SLC24A2: variants seen among roughly 807,000 people sequenced by gnomAD.
SLC24A2 encodes sodium/potassium/calcium exchanger 2.
SLC24A2 carries 36 observed loss-of-function variants against 62.0 expected under a neutral mutation model. The ratio of observed to expected loss-of-function variants is 0.58; its 90% confidence interval spans 0.44 to 0.77. SLC24A2 has a LOEUF of 0.77. Among genes scored for constraint, SLC24A2 ranks in the 30% least tolerant of loss-of-function variants. SLC24A2 has a pLI of 0.00. For missense variants in SLC24A2, 846 were observed against 817.9 expected, an observed-to-expected ratio of 1.03 and a Z score of -0.42; for synonymous variants, 358 against 294.0, an observed-to-expected ratio of 1.22 and a Z score of -2.23.
At chr9:19,637,364 G>GTTCTAACTGTTGCCCGACTGTGTTTT (rs1277730443) in intron 2 of SLC24A2, among the ~76,000 whole-genome samples, 2 of 152,224 alleles carry the variant, frequency 1.3e-5, no homozygotes, top group African/African-American at 2.4e-5. Flanking sequence ...AACTGTGTTT[G>GTTCTAACTGTTGCCCGACTGTGTTTT]TTCTAACTGT....
intron 2 of SLC24A2, among the ~76,000 whole-genome samples, chr9:19,747,598 G>C (rs1383203786): frequency 6.6e-6 from 1 of 152,140 alleles, no homozygotes; most frequent in African/African-American, 2.4e-5. Context: ...ATATCACTTT[G>C]CCTTTCAAGA....
At chr9:19,751,925 T>C (rs1328763167) in intron 2 of SLC24A2, among the ~76,000 whole-genome samples, 2 of 152,226 alleles carry the variant, frequency 1.3e-5, no homozygotes, top group African/African-American at 4.8e-5. Flanking sequence ...TTCTGCCTAA[T>C]CTTCAAAGAC....
chr9:19,911,914 C>T, the SLC24A2 span, among the ~76,000 whole-genome samples: 1 of 152,090 alleles, frequency 6.6e-6, no homozygotes, highest in Non-Finnish European at 1.5e-5. Flanking sequence ...TATGTGGATA[C>T]ATTTGAGAAA....
At chr9:19,619,901 T>A (rs1329440175) in intron 3 of SLC24A2, among the ~76,000 whole-genome samples, 5 of 152,196 alleles carry the variant, frequency 3.3e-5, no homozygotes, top group Admixed American at 3.3e-4. Context: ...GCTTCCCTTT[T>A]TAAAAAGAGC....
chr9:20,062,164 G>A, the SLC24A2 span, among the ~76,000 whole-genome samples: 1 of 152,146 alleles, frequency 6.6e-6, no homozygotes, highest in African/African-American at 2.4e-5. Flanking sequence ...AAAAGTCCAA[G>A]GTAGCAGTGA....
the SLC24A2 span, among the ~76,000 whole-genome samples, chr9:20,272,041 G>A: frequency 1.3e-5 from 2 of 152,090 alleles, no homozygotes; most frequent in Non-Finnish European, 2.9e-5. Flanking sequence ...CACATTTTGT[G>A]GTTTAGGGTC....
chr9:20,175,891 A>G, the SLC24A2 span, among the ~76,000 whole-genome samples: 1 of 152,046 alleles, frequency 6.6e-6, no homozygotes, highest in Non-Finnish European at 1.5e-5. Context: ...ATTAGACTGA[A>G]GGTTTAAGAA....
the SLC24A2 span, among the ~76,000 whole-genome samples, chr9:20,096,617 A>C: frequency 0.017 from 2,635 of 152,178 alleles, 80 homozygotes; most frequent in African/African-American, 0.059. Flanking sequence ...CTACTTCTCT[A>C]TTGCTCATTC....
intron 2 of SLC24A2, among the ~76,000 whole-genome samples, chr9:19,768,847 C>T (rs1016026510): frequency 2.0e-5 from 3 of 152,172 alleles, no homozygotes; most frequent in African/African-American, 7.2e-5. Context: ...TCCTCAGTAG[C>T]TGCACCTCCC....
chr9:20,306,320 G>C, the SLC24A2 span, among the ~76,000 whole-genome samples: 1 of 152,066 alleles, frequency 6.6e-6, no homozygotes, highest in Admixed American at 6.5e-5. Context: ...TAACAATAGT[G>C]AACAACAACA....
the SLC24A2 span, among the ~76,000 whole-genome samples, chr9:20,223,730 A>T: frequency 6.6e-6 from 1 of 152,180 alleles, no homozygotes; most frequent in East Asian, 1.9e-4. Context: ...GGTAAGGATA[A>T]GACAGATGAT....
chr9:19,588,058 T>C (rs1836427996), intron 5 of SLC24A2, among the ~76,000 whole-genome samples: 1 of 152,218 alleles, frequency 6.6e-6, no homozygotes. Flanking sequence ...AGCCTGGTTA[T>C]GCACACAGAC....
chr9:19,549,407 C>T (rs1341177312), intron 8 of SLC24A2, among the ~76,000 whole-genome samples: 1 of 152,182 alleles, frequency 6.6e-6, no homozygotes, highest in East Asian at 1.9e-4. Flanking sequence ...ACACTTAGGA[C>T]TGCTTTGGTC....
the SLC24A2 span, among the ~76,000 whole-genome samples, chr9:20,165,673 T>C: frequency 6.6e-6 from 1 of 151,866 alleles, no homozygotes; most frequent in African/African-American, 2.4e-5. Flanking sequence ...TTTTAAAAAT[T>C]AAGTTGTATA....
the SLC24A2 span, among the ~76,000 whole-genome samples, chr9:20,083,876 C>T: frequency 6.6e-6 from 1 of 152,282 alleles, no homozygotes; most frequent in East Asian, 1.9e-4. Flanking sequence ...CCAATTGATG[C>T]ACAGGATCCC....
At chr9:19,826,475 T>G in the SLC24A2 span, among the ~76,000 whole-genome samples, 1 of 152,144 alleles carries the variant, frequency 6.6e-6, no homozygotes, top group Non-Finnish European at 1.5e-5. Context: ...TACCCAAGAC[T>G]GGGTAATTTA....
the SLC24A2 span, among the ~76,000 whole-genome samples, chr9:20,032,828 G>A: frequency 6.6e-6 from 1 of 152,094 alleles, no homozygotes; most frequent in South Asian, 2.1e-4. Context: ...GGTGAAGCAG[G>A]GTAGGGACAG....
At chr9:20,257,495 G>A in the SLC24A2 span, among the ~76,000 whole-genome samples, 6 of 112,760 alleles carry the variant, frequency 5.3e-5, no homozygotes, top group South Asian at 1.7e-3. Context: ...AGGCACTGGT[G>A]TTAGGACTGG....
chr9:20,258,817 T>TATC, the SLC24A2 span, among the ~76,000 whole-genome samples: 2 of 104,802 alleles, frequency 1.9e-5, no homozygotes, highest in East Asian at 7.8e-4. Flanking sequence ...TCTATCTACC[T>TATC]TATCTATCTA....
Sources: allele counts gnomAD v4.1 joint callset (sites outside exome capture counted in the v4.1 genomes callset), GRCh38; gene constraint gnomAD v4.1.1; transcripts MANE v1.5; gene names NCBI Gene and HGNC (gene_info 2026-07-23, HGNC 2026-07-21).